KMT2C: variants seen among roughly 807,000 people sequenced by gnomAD.
The protein encoded by KMT2C is lysine methyltransferase 2C.
In KMT2C, 88 loss-of-function variants were observed where a neutral mutation model predicts 507.9. The ratio of observed to expected loss-of-function variants is 0.17; its 90% CI spans 0.15 to 0.21. The LOEUF (loss-of-function observed/expected upper bound fraction) is 0.21. KMT2C is among the 10% of genes least tolerant of loss of function. The pLI, the probability that KMT2C is intolerant of heterozygous loss-of-function variation, is 1.00. For synonymous variants in KMT2C, 2,049 were observed against 2,080.8 expected, an observed-to-expected ratio of 0.98 and a Z score of 0.42; for missense variants, 4,954 against 5,957.8, an observed-to-expected ratio of 0.83 and a Z score of 5.55.
At chr7:152,236,973 C>T (rs959143661) in intron 15 of KMT2C, among the ~76,000 whole-genome samples, 2 of 152,150 alleles carry the variant, frequency 1.3e-5, no homozygotes, top group Non-Finnish European at 2.9e-5. Flanking sequence ...ACTTCTTACA[C>T]AAGAAATAAA....
intron 3 of KMT2C, among the ~76,000 whole-genome samples, chr7:152,315,782 T>C (rs1345737693): frequency 6.6e-6 from 1 of 152,096 alleles, no homozygotes; most frequent in Non-Finnish European, 1.5e-5. Context: ...CTGGGTGTGG[T>C]GGCACACCCC....
rs73485215 is a variant in KMT2C at position 152,333,967 on chromosome 7, G to A, written c.251-3228C>T. On this transcript the variant is annotated intron_variant, in intron 2 of 58. Coordinates refer to ENST00000262189, the MANE Select transcript of KMT2C (RefSeq NM_170606.3). ...TATCTAGAATCAAATCTACAAATAC[G>A]TAAGCTTGTATTCAAAAGGAATAAT... Among the ~76,000 whole-genome samples the A allele has an allele frequency of 7.1e-3, 1,083 of 151,878 alleles. 19 individuals are homozygous for A. Among genetic ancestry groups the A allele is most frequent in the African/African-American group, 0.025 (1,025 of 41,378 alleles).
At chr7:152,324,853 A>G (rs1374541277) in intron 3 of KMT2C, among the ~76,000 whole-genome samples, 1 of 152,016 alleles carries the variant, frequency 6.6e-6, no homozygotes, top group Non-Finnish European at 1.5e-5. Flanking sequence ...TTATGAACAT[A>G]AACAAAATAT....
intron 1 of KMT2C, among the ~76,000 whole-genome samples, chr7:152,398,432 A>G (rs918806527): frequency 3.9e-5 from 6 of 152,252 alleles, no homozygotes; most frequent in African/African-American, 1.4e-4. Context: ...ATAAAAATGG[A>G]TATAAGTACA....
intron 1 of KMT2C, among the ~76,000 whole-genome samples, chr7:152,386,760 T>C (rs2097432177): frequency 6.6e-6 from 1 of 152,274 alleles, no homozygotes. Flanking sequence ...GTATTTTTTA[T>C]GGACTCATCA....
In KMT2C at chr7:152,311,794, A is replaced by T. The variant is rs2129200403; in HGVS notation, c.739+4T>A. On this transcript the variant is annotated splice_donor_region_variant and intron_variant, in intron 5 of 58. Coordinates refer to ENST00000262189, the MANE Select transcript of KMT2C (RefSeq NM_170606.3). Reference sequence around the variant, plus strand: ...GGCAGTCATTATTGAAAACATGCCCATACCTGTAGAATCAAATAAGGCTTG... The same window carrying T: ...GGCAGTCATTATTGAAAACATGCCCTTACCTGTAGAATCAAATAAGGCTTG... 1.9e-6 allele frequency: 3 copies of T among 1,599,470 alleles called. No homozygotes were observed. The highest frequency in any genetic ancestry group is 2.6e-6 in the Non-Finnish European group (3 of 1,170,342).
chr7:152,391,167 A>AAAAAAAAC (rs2097492772), intron 1 of KMT2C, among the ~76,000 whole-genome samples: 1 of 144,674 alleles, frequency 6.9e-6, no homozygotes, highest in Non-Finnish European at 1.5e-5. Context: ...AAAAAAAAAA[A>AAAAAAAAC]GCCTTAAAAT....
chr7:152,335,441 T>G (rs1378074290), intron 2 of KMT2C, among the ~76,000 whole-genome samples: 1 of 152,140 alleles, frequency 6.6e-6, no homozygotes, highest in Non-Finnish European at 1.5e-5. Context: ...CTTCAGAAAC[T>G]TACCAACAAT....
intron 6 of KMT2C, among the ~76,000 whole-genome samples, chr7:152,296,807 G>A (rs553437184): frequency 6.6e-5 from 10 of 151,762 alleles, no homozygotes; most frequent in East Asian, 3.9e-4. Flanking sequence ...CACAGAGACC[G>A]GATTATCGGA....
At chr7:152,231,021 T>C (rs574444539) in intron 16 of KMT2C, among the ~76,000 whole-genome samples, 1 of 152,322 alleles carries the variant, frequency 6.6e-6, no homozygotes, top group Non-Finnish European at 1.5e-5. Context: ...TTCACCATAT[T>C]GGTCAGGCTG....
In KMT2C at chr7:152,226,219, C is replaced by CTTTTTTTTTTT. The variant is rs869076803; in HGVS notation, c.2977-1614_2977-1604dup. Among the ~76,000 whole-genome samples the CTTTTTTTTTTT allele has an allele frequency of 1.6e-3, 156 of 94,938 alleles. 13 individuals are homozygous for CTTTTTTTTTTT. The highest frequency in any genetic ancestry group is 3.7e-3 in the African/African-American group (88 of 23,958). 62.3% of individuals were successfully genotyped at this position (94,938 alleles called of 152,430 possible). ...AAGAGTTGGTTGTTCATTACAAGGCCTTTTTTTTTTTTTTTTTTTTTTTTT... is the reference window on the plus strand; with the variant it reads ...AAGAGTTGGTTGTTCATTACAAGGCCTTTTTTTTTTTTTTTTTTTTTTTTTTTTTTTTTTTT... On this transcript the variant is annotated intron_variant, in intron 18 of 58. Transcript: ENST00000262189.
intron 3 of KMT2C, among the ~76,000 whole-genome samples, chr7:152,322,598 A>G (rs1435279173): frequency 2.6e-5 from 4 of 152,034 alleles, no homozygotes; most frequent in Admixed American, 2.6e-4. Context: ...ATGTCAAACT[A>G]TAAAACTACT....
Position 152,142,933 on chromosome 7 carries a change from C to T in KMT2C, c.14343+1780G>A, listed in dbSNP as rs1055387876. On this transcript the variant is annotated intron_variant, in intron 55 of 58. Coordinates refer to ENST00000262189, the MANE Select transcript of KMT2C (RefSeq NM_170606.3). ...ACATATTAGATCATCCACGGGATCC[C>T]CAGGGAGGTGGACAGATGGGAGGGT... Among the ~76,000 whole-genome samples the T allele has an allele frequency of 3.3e-5, 5 of 152,082 alleles. No individual in the cohort carries two copies. The South Asian group carries it at 1.0e-3, about 32-fold the overall frequency.
chr7:152,368,268 T>A (rs2097263461), intron 1 of KMT2C: 1 of 972,826 alleles, frequency 1.0e-6, no homozygotes, highest in South Asian at 1.3e-5. Flanking sequence ...ATGTCCACTA[T>A]GAGAACTACA....
intron 2 of KMT2C, among the ~76,000 whole-genome samples, chr7:152,357,566 A>G (rs2097162540): frequency 6.6e-6 from 1 of 152,116 alleles, no homozygotes; most frequent in African/African-American, 2.4e-5. Context: ...AAAACACTAA[A>G]GCTTCAAAAA....
intron 1 of KMT2C, among the ~76,000 whole-genome samples, chr7:152,392,641 T>C (rs1024209390): frequency 7.9e-5 from 12 of 152,148 alleles, no homozygotes; most frequent in Non-Finnish European, 1.5e-4. Flanking sequence ...ACAATTTCAT[T>C]GTATTTTGTG....
intron 16 of KMT2C, among the ~76,000 whole-genome samples, chr7:152,235,409 A>G (rs532936511): frequency 6.6e-6 from 1 of 152,274 alleles, no homozygotes; most frequent in Non-Finnish European, 1.5e-5. Flanking sequence ...AGAATTTTAA[A>G]AACAGAATTT....
chr7:152,251,862 A>T (rs182155155), intron 11 of KMT2C, 77 bp downstream of exon 11: 14 of 983,506 alleles, frequency 1.4e-5, no homozygotes, highest in African/African-American at 1.2e-4. Flanking sequence ...CTTCCTGATT[A>T]AAGCAATATA....
intron 3 of KMT2C, among the ~76,000 whole-genome samples, chr7:152,328,455 A>G (rs7786732): frequency 0.11 from 16,486 of 152,134 alleles, 2,155 homozygotes; most frequent in African/African-American, 0.31. Flanking sequence ...CACATTTAAA[A>G]GAGTGAGGCC....
Sources: allele counts gnomAD v4.1 joint callset (sites outside exome capture counted in the v4.1 genomes callset), GRCh38; gene constraint gnomAD v4.1.1; transcripts MANE v1.5; gene names NCBI Gene and HGNC (gene_info 2026-07-23, HGNC 2026-07-21).